PIWIL2: variants seen among roughly 807,000 people sequenced by gnomAD.
PIWIL2 encodes piwi like RNA-mediated gene silencing 2.
PIWIL2 carries 81 observed loss-of-function variants against 116.5 expected under a neutral mutation model. That is an observed-to-expected ratio of 0.70 (90% CI 0.58 to 0.84). The LOEUF is 0.84. PIWIL2 is among the 40% of genes least tolerant of loss of function. The probability of loss-of-function intolerance (pLI) is 0.00; values close to 1 mark genes in which losing one functional copy is unlikely to be tolerated. For synonymous variants in PIWIL2, 489 were observed against 429.5 expected, an observed-to-expected ratio of 1.14 and a Z score of -1.71; for missense variants, 1,272 against 1,212.3, an observed-to-expected ratio of 1.05 and a Z score of -0.73.
In PIWIL2 at chr8:22,315,941, T is replaced by TAC. The variant is rs1240265306; in HGVS notation, c.2209-304_2209-303insAC. The stretch of plus-strand genomic sequence containing the variant: ...AATCTGAAACTCTTTGAGTGTCATG[T>TAC]CGGTGCTCAAAAGCTTTTCAGATTT... On this transcript the variant is annotated intron_variant, in intron 18 of 22. Coordinates refer to ENST00000356766, the MANE Select transcript of PIWIL2 (RefSeq NM_018068.5). Among the ~76,000 whole-genome samples, 4 of 152,316 alleles carry TAC rather than the reference T, an allele frequency of 2.6e-5. No individual in the cohort carries two copies. In the East Asian group the frequency reaches 7.7e-4, roughly 29 times the overall value.
rs917393195 is a variant in PIWIL2, at chr8:22,277,966, C to G, written c.-46-1375C>G. 1.5e-4 allele frequency among the ~76,000 whole-genome samples: 22 copies of G among 151,470 alleles called. 1 individual carries two copies. The highest frequency in any genetic ancestry group is 1.3e-4 in the Admixed American group (2 of 15,230). ...GGCTGATCGCCTGAGGTCGGGAGTT[C>G]GAGACCAGCCTGACCAACATAGAGA... On this transcript the variant is annotated intron_variant, in intron 1 of 22. Coordinates refer to ENST00000356766, the MANE Select transcript of PIWIL2 (RefSeq NM_018068.5).
intron 6 of PIWIL2, among the ~76,000 whole-genome samples, chr8:22,286,627 ATTTAT>A (rs1830634901): frequency 6.6e-6 from 1 of 151,980 alleles, no homozygotes; most frequent in South Asian, 2.1e-4. Flanking sequence ...AATTTTATTT[ATTTAT>A]TTATTTTGAG....
chr8:22,318,156 C>T lies in PIWIL2; in HGVS notation c.2298-14C>T, dbSNP rs181615516. On this transcript the variant is annotated splice_polypyrimidine_tract_variant and intron_variant, in intron 19 of 22. Transcript: ENST00000356766. ...ATCTTCCTTTCTCTGTCTCTCTGCTCACCCTGACCCTAGCACCCTCACAAA... is the reference window on the plus strand; with the variant it reads ...ATCTTCCTTTCTCTGTCTCTCTGCTTACCCTGACCCTAGCACCCTCACAAA... The T allele has an allele frequency of 1.1e-3, 1,712 of 1,544,906 alleles. 1 individual carries two copies. The highest frequency in any genetic ancestry group is 1.4e-3 in the Non-Finnish European group (1,570 of 1,118,256).
rs1407650148 is a variant in PIWIL2, at chr8:22,281,179, C to T, written c.258C>T (p.Thr86=). Residue 86 remains threonine, a synonymous_variant, in exon 3 of 23, where the codon ACC becomes ACT. Coordinates refer to ENST00000356766, the MANE Select transcript of PIWIL2 (RefSeq NM_018068.5). ...TGGGCATTGAAACAGTTTCTAAGACCCCTCTGAAACGGGAAATGCTTCCAT... is the reference window on the plus strand; with the variant it reads ...TGGGCATTGAAACAGTTTCTAAGACTCCTCTGAAACGGGAAATGCTTCCAT... The part of the protein sequence containing the change: ...RGLGIETVSK[T]PLKREMLPSG... 1.9e-6 allele frequency: 3 copies of T among 1,611,848 alleles called. No homozygotes were observed.
At chr8:22,316,465 T>A in intron 19 of PIWIL2, 132 bp downstream of exon 19, 1 of 619,308 alleles carries the variant, frequency 1.6e-6, no homozygotes, top group Non-Finnish European at 2.8e-6. Flanking sequence ...TTCCTCTATC[T>A]TCATGTGAAT....
At chr8:22,291,965 A>T (rs1393279005) in intron 10 of PIWIL2, among the ~76,000 whole-genome samples, 3 of 152,048 alleles carry the variant, frequency 2.0e-5, no homozygotes, top group Non-Finnish European at 4.4e-5. Context: ...GGGGGCGGAG[A>T]ATTGCAGTTT....
At chr8:22,277,790 A>G (rs1830411374) in intron 1 of PIWIL2, among the ~76,000 whole-genome samples, 1 of 152,214 alleles carries the variant, frequency 6.6e-6, no homozygotes, top group Non-Finnish European at 1.5e-5. Flanking sequence ...TAGGACTCTT[A>G]TGTAGGAAAG....
At position 22,356,911 on chromosome 8, in the gene PIWIL2, G is replaced by A. The variant is rs560506248; in HGVS notation, c.*1406G>A. On this transcript the variant is annotated 3_prime_UTR_variant, in exon 23 of 23. Coordinates refer to ENST00000356766, the MANE Select transcript of PIWIL2 (RefSeq NM_018068.5). ...TCCCAGTCCCTTCGGGCCTAGTTCT[G>A]TCTCATCTTGCTTTATTGGGTTTTA... 4.6e-5 allele frequency: 7 copies of A among 151,968 alleles called. No homozygotes were observed. The East Asian group carries it at 1.4e-3, about 29-fold the overall frequency. 9.4% of individuals were successfully genotyped at this position (151,968 alleles called of 1,614,324 possible).
At chr8:22,302,068 T>G (rs970448206) in intron 10 of PIWIL2, among the ~76,000 whole-genome samples, 2 of 152,208 alleles carry the variant, frequency 1.3e-5, no homozygotes, top group African/African-American at 4.8e-5. Context: ...TCTCTTGTGC[T>G]TTCTTCTTTG....
chr8:22,344,845 C>T (rs188522205), intron 20 of PIWIL2, among the ~76,000 whole-genome samples: 1 of 152,214 alleles, frequency 6.6e-6, no homozygotes, highest in Admixed American at 6.5e-5. Flanking sequence ...CGCTGCACTC[C>T]AGCCTTGGTG....
At chr8:22,352,863 A>G in intron 20 of PIWIL2, 96 bp from the exon 21 acceptor site, 5 of 1,266,924 alleles carry the variant, frequency 3.9e-6, no homozygotes, top group Non-Finnish European at 4.4e-6. Context: ...AGGATCTGCC[A>G]TGATTCCAGG....
intron 20 of PIWIL2, among the ~76,000 whole-genome samples, chr8:22,344,498 T>C (rs975305441): frequency 3.9e-5 from 6 of 152,116 alleles, no homozygotes; most frequent in Non-Finnish European, 8.8e-5. Context: ...TGAAGATTCC[T>C]CTAAAAAATA....
intron 20 of PIWIL2, among the ~76,000 whole-genome samples, chr8:22,325,396 A>G (rs879194027): frequency 6.6e-6 from 1 of 151,178 alleles, no homozygotes; most frequent in Admixed American, 6.6e-5. Context: ...CTATCAAACC[A>G]TTACTGTGAG....
At chr8:22,331,732 GA>G (rs1488646935) in intron 20 of PIWIL2, among the ~76,000 whole-genome samples, 1 of 152,064 alleles carries the variant, frequency 6.6e-6, no homozygotes, top group Non-Finnish European at 1.5e-5. Context: ...CAAGCTCAAA[GA>G]ATTGGCAGAG....
intron 20 of PIWIL2, among the ~76,000 whole-genome samples, chr8:22,343,472 C>T (rs548916309): frequency 1.2e-4 from 18 of 152,154 alleles, no homozygotes; most frequent in Non-Finnish European, 2.5e-4. Flanking sequence ...GTGGCGCATG[C>T]CTGTAATCCT....
chr8:22,281,223 A>G lies in PIWIL2; in HGVS notation c.286+16A>G, dbSNP rs1830492009. ...CTTCCATCAGGTATGTGGAAAACTA[A>G]CTTGAGAAATTTGGTGGTATGTATG... On this transcript the variant is annotated intron_variant, in intron 3 of 22. Coordinates refer to ENST00000356766, the MANE Select transcript of PIWIL2 (RefSeq NM_018068.5). 1.3e-6 allele frequency: 2 copies of G among 1,590,026 alleles called. No homozygotes were observed. Among genetic ancestry groups the G allele is most frequent in the Middle Eastern group, 1.7e-4 (1 of 6,026 alleles).
intron 20 of PIWIL2, among the ~76,000 whole-genome samples, chr8:22,343,815 A>T (rs1010205229): frequency 3.3e-5 from 5 of 152,382 alleles, no homozygotes; most frequent in Admixed American, 1.3e-4. Flanking sequence ...ACCACTTTGC[A>T]AAACAGTTTG....
intron 5 of PIWIL2, 68 bp from the exon 6 acceptor site, chr8:22,284,094 T>C (rs1365635272): frequency 1.4e-5 from 10 of 737,560 alleles, no homozygotes; most frequent in Non-Finnish European, 2.3e-5. Flanking sequence ...GTTGGTTGTG[T>C]GGGTTGGTTA....
intron 14 of PIWIL2, among the ~76,000 whole-genome samples, chr8:22,308,740 C>T (rs188925336): frequency 6.6e-6 from 1 of 152,182 alleles, no homozygotes; most frequent in African/African-American, 2.4e-5. Context: ...TTTTTTGAGA[C>T]GGATTCCAAG....
Sources: allele counts gnomAD v4.1 joint callset (sites outside exome capture counted in the v4.1 genomes callset), GRCh38; gene constraint gnomAD v4.1.1; transcripts MANE v1.5; gene names NCBI Gene and HGNC (gene_info 2026-07-23, HGNC 2026-07-21).